MON2: variants seen among roughly 807,000 people sequenced by gnomAD.
MON2 encodes the protein protein MON2 homolog.
In MON2, 84 loss-of-function variants were observed where a neutral mutation model predicts 208.6. That is an observed-to-expected ratio of 0.40 (90% CI 0.34 to 0.48). The LOEUF (loss-of-function observed/expected upper bound fraction) is 0.48. Among genes scored for constraint, MON2 ranks in the 20% least tolerant of loss-of-function variants. The pLI, the probability that MON2 is intolerant of heterozygous loss-of-function variation, is 0.59. For missense variants in MON2, 1,611 were observed against 2,015.4 expected (o/e 0.80, Z 3.84); for synonymous variants, 660 against 694.0 (o/e 0.95, Z 0.77).
chr12:62,561,676 C>A (rs1392620932), intron 26 of MON2, among the ~76,000 whole-genome samples: 2 of 152,036 alleles, frequency 1.3e-5, no homozygotes, highest in Non-Finnish European at 1.5e-5. Context: ...AAGGCTAGAT[C>A]AAATTCAAAG....
rs748440477 is a variant in MON2, at chr12:62,532,394, T to G, written c.1401-44T>G. ...AGAAAATAGTTTTATGTATTTTTTT[T>G]GTTGTGGCTTCTCATTAGTATTCTA... is the stretch of plus-strand genomic sequence containing the variant. On this transcript the variant is annotated intron_variant, in intron 11 of 34. Transcript: ENST00000393630. 6.0e-6 allele frequency: 8 copies of G among 1,336,976 alleles called. No individual in the cohort carries two copies. In the South Asian group the frequency reaches 6.0e-5, roughly 10 times the overall value. 82.8% of individuals were successfully genotyped at this position (1,336,976 alleles called of 1,614,324 possible). A position where few individuals can be genotyped will look rare whatever the true frequency, so the allele number is the denominator to read the frequency against.
intron 34 of MON2, among the ~76,000 whole-genome samples, chr12:62,592,381 A>G (rs2075424381): frequency 6.6e-6 from 1 of 152,352 alleles, no homozygotes; most frequent in East Asian, 1.9e-4. Flanking sequence ...TGATGACTGC[A>G]CACTGAGCAT....
intron 20 of MON2, among the ~76,000 whole-genome samples, chr12:62,543,782 A>G (rs2073351266): frequency 6.6e-6 from 1 of 151,938 alleles, no homozygotes; most frequent in Admixed American, 6.6e-5. Flanking sequence ...TTATTTTTGT[A>G]TTTGTAGTAG....
At chr12:62,548,706 T>C (rs1415336302) in intron 22 of MON2, among the ~76,000 whole-genome samples, 1 of 152,156 alleles carries the variant, frequency 6.6e-6, no homozygotes, top group African/African-American at 2.4e-5. Context: ...AAGGGTATAA[T>C]GAATTAATGG....
At chr12:62,524,954 C>G (rs1281650030) in intron 9 of MON2, 130 bp from the exon 10 acceptor site, 1 of 847,532 alleles carries the variant, frequency 1.2e-6, no homozygotes, top group Non-Finnish European at 1.8e-6. Flanking sequence ...GGTAAAATTA[C>G]TGAGTTGTAA....
intron 32 of MON2, among the ~76,000 whole-genome samples, chr12:62,582,651 G>A (rs1021766798): frequency 4.6e-5 from 7 of 151,874 alleles, no homozygotes; most frequent in Non-Finnish European, 1.0e-4. Flanking sequence ...TAAATGGCTG[G>A]TATCATCGCT....
intron 5 of MON2, 150 bp downstream of exon 5, chr12:62,499,198 A>G: frequency 1.4e-6 from 1 of 738,022 alleles, no homozygotes; most frequent in Non-Finnish European, 2.0e-6. Flanking sequence ...CCCCTGAGGA[A>G]TAGGCTCCTT....
At chr12:62,488,788 A>G (rs1238306107) in intron 2 of MON2, among the ~76,000 whole-genome samples, 1 of 151,944 alleles carries the variant, frequency 6.6e-6, no homozygotes, top group Non-Finnish European at 1.5e-5. Context: ...TTACATTCTT[A>G]TATCATTCGT....
intron 6 of MON2, among the ~76,000 whole-genome samples, chr12:62,501,206 A>G (rs2070811398): frequency 6.6e-6 from 1 of 152,204 alleles, no homozygotes; most frequent in African/African-American, 2.4e-5. Flanking sequence ...AATTTGATAC[A>G]TAGATACCTG....
At position 62,508,394 on chromosome 12, in the gene MON2, G is replaced by T. The variant is rs765675781; in HGVS notation, c.898G>T (p.Ala300Ser). The T allele has an allele frequency of 1.9e-6, 3 of 1,613,854 alleles. No homozygotes were observed. The highest frequency in any genetic ancestry group is 4.5e-5 in the East Asian group (2 of 44,876). Reference sequence around the variant, plus strand: ...AGGTTCCAGCACCTCATCTTCTCCAGCACCAGTTGAAAAACCATATTTTCC... The same window carrying T: ...AGGTTCCAGCACCTCATCTTCTCCATCACCAGTTGAAAAACCATATTTTCC... ...RQGSSTSSSP[A>S]PVEKPYFPIC... Residue 300 changes from alanine to serine, a missense_variant, in exon 8 of 35, where the codon GCA becomes TCA. By Grantham distance (99) the Ala-to-Ser change is moderately conservative (BLOSUM62 1). Coordinates refer to ENST00000393630, the MANE Select transcript of MON2 (RefSeq NM_015026.3).
Position 62,537,496 on chromosome 12 carries a change from AT to A in MON2, c.2014-100del, listed in dbSNP as rs777098627. The stretch of plus-strand genomic sequence containing the variant: ...TAAAACCTTCCAAATCTTTTTCTTA[AT>A]TTTTTCTTTAAAAAAATCTTTTAAC... On this transcript the variant is annotated intron_variant, in intron 15 of 34. Coordinates refer to ENST00000393630, the MANE Select transcript of MON2 (RefSeq NM_015026.3). The A allele has an allele frequency of 5.7e-6, 5 of 874,456 alleles. 1 individual carries two copies. The South Asian group carries it at 1.0e-4, about 17-fold the overall frequency. 54.2% of individuals were successfully genotyped at this position (874,456 alleles called of 1,614,324 possible).
intron 31 of MON2, 84 bp from the exon 32 acceptor site, chr12:62,580,213 A>G (rs2074952990): frequency 7.5e-7 from 1 of 1,333,710 alleles, no homozygotes; most frequent in South Asian, 1.3e-5. Context: ...TTTCATTTAA[A>G]GTAAAATTTA....
chr12:62,486,156 T>C (rs2069778165), intron 2 of MON2, among the ~76,000 whole-genome samples: 1 of 152,144 alleles, frequency 6.6e-6, no homozygotes, highest in Admixed American at 6.6e-5. Context: ...TTAAAATATT[T>C]ACTGTTGCTA....
rs541489973 is a variant in MON2, at chr12:62,541,562, A to G, written c.2365-1535A>G. ...AAACAACTCTGTGAGATTTAGTGGT[A>G]ATATACCCTTTTACAGATGAAAATA... On this transcript the variant is annotated intron_variant, in intron 19 of 34. Transcript: ENST00000393630. Among the ~76,000 whole-genome samples the G allele has an allele frequency of 7.2e-5, 11 of 152,304 alleles. No individual in the cohort carries two copies. In the South Asian group the frequency reaches 2.3e-3, roughly 32 times the overall value.
chr12:62,559,256 T>A (rs1320712261), intron 25 of MON2, among the ~76,000 whole-genome samples: 1 of 152,244 alleles, frequency 6.6e-6, no homozygotes, highest in Non-Finnish European at 1.5e-5. Flanking sequence ...ACTTATGTTG[T>A]ACTGCTTTGG....
chr12:62,547,024 G>T lies in MON2; in HGVS notation c.2705G>T (p.Gly902Val), dbSNP rs545250663. 6.2e-7 allele frequency: 1 copy of T among 1,609,006 alleles called. No homozygotes were observed. The highest frequency in any genetic ancestry group is 1.1e-5 in the South Asian group (1 of 90,566). The stretch of plus-strand genomic sequence containing the variant: ...AGTCAGGGAGACAGTCTTGGGCCTG[G>T]ATGGCCATTAGTGCTTGGAGTCATG... ...LQSQGDSLGP[G>V]WPLVLGVMGA... The change falls in exon 22 of 35, where the codon GGA becomes GTA. Residue 902 changes from glycine (G) to valine (V), a missense_variant. By Grantham distance (109) the Gly-to-Val change is moderately radical. Coordinates refer to ENST00000393630, the MANE Select transcript of MON2 (RefSeq NM_015026.3).
chr12:62,587,307 A>G (rs2075249371), intron 33 of MON2, among the ~76,000 whole-genome samples: 1 of 152,114 alleles, frequency 6.6e-6, no homozygotes, highest in South Asian at 2.1e-4. Flanking sequence ...ATGGTAGAAT[A>G]TATGCCATGT....
rs531704473 is a variant in MON2, at chr12:62,553,118, A to G, written c.3154A>G (p.Ile1052Val). 3.7e-6 allele frequency: 6 copies of G among 1,614,140 alleles called. No homozygotes were observed. The highest frequency in any genetic ancestry group is 4.5e-5 in the East Asian group (2 of 44,870). ...TGCAGGGCAAACTCTGTTTTCTACA[A>G]TTGGTGCGCATGGAACTTTATTACA... ...KSAGQTLFST[I>V]GAHGTLLQHS... Residue 1052 changes from isoleucine (I) to valine (V), a missense_variant, in exon 24 of 35, where the codon ATT becomes GTT. By Grantham distance (29) the Ile-to-Val change is conservative. Transcript: ENST00000393630.
chr12:62,531,774 T>G (rs1179394026), intron 11 of MON2, among the ~76,000 whole-genome samples: 1 of 151,982 alleles, frequency 6.6e-6, no homozygotes, highest in East Asian at 1.9e-4. Flanking sequence ...TTTTTTTTAT[T>G]TTTTATTTTT....
Sources: gnomAD v4.1 joint callset for allele counts (sites outside exome capture counted in the v4.1 genomes callset) on GRCh38, gnomAD v4.1.1 for gene constraint, MANE v1.5 for transcripts, NCBI Gene and HGNC (gene_info 2026-07-23, HGNC 2026-07-21) for gene names.